Variants in SLC47A1 observed in about 807,000 individuals in gnomAD.
The protein encoded by SLC47A1 is solute carrier family 47 member 1.
SLC47A1 carries 58 observed loss-of-function variants against 65.8 expected under a neutral mutation model. That is an observed-to-expected ratio of 0.88 (90% CI 0.71 to 1.10). The LOEUF (loss-of-function observed/expected upper bound fraction) is 1.10, where lower values mean the gene tolerates loss of function less well. Ranked by LOEUF, SLC47A1 falls within the 50% of genes least tolerant of loss-of-function variation. The pLI is 0.00. For missense variants in SLC47A1, 706 were observed against 719.2 expected, an observed-to-expected ratio of 0.98 and a Z score of 0.21; for synonymous variants, 285 against 295.0, an observed-to-expected ratio of 0.97 and a Z score of 0.35.
rs374411316 is a variant in SLC47A1 at position 19,542,482 on chromosome 17, G to A, written c.225G>A (p.Thr75=). The change falls in exon 2 of 17, where the codon ACG becomes ACA. Residue 75 remains threonine (T), a synonymous_variant. Transcript: ENST00000270570. Reference sequence around the variant, plus strand: ...GCAAGCTGGAGCTGGATGCAGTCACGCTGGCAATCGCGGTACGTGTGGGCT... The same window carrying A: ...GCAAGCTGGAGCTGGATGCAGTCACACTGGCAATCGCGGTACGTGTGGGCT... ...HLGKLELDAV[T]LAIAVINVTG... 9.9e-6 allele frequency: 16 copies of A among 1,611,722 alleles called. No individual in the cohort carries two copies. The highest frequency in any genetic ancestry group is 1.3e-5 in the African/African-American group (1 of 74,790).
At chr17:19,561,130 C>T (rs569354206) in intron 12 of SLC47A1, among the ~76,000 whole-genome samples, 2 of 151,732 alleles carry the variant, frequency 1.3e-5, no homozygotes, top group South Asian at 2.1e-4. Context: ...TGGTGGCACA[C>T]GCCTGTAATC....
intron 15 of SLC47A1, among the ~76,000 whole-genome samples, chr17:19,571,913 C>T (rs771558888): frequency 2.0e-5 from 3 of 152,102 alleles, no homozygotes; most frequent in Non-Finnish European, 4.4e-5. Flanking sequence ...TTATGGTCTC[C>T]AAATGTTTTG....
chr17:19,567,060 A>T, intron 13 of SLC47A1, 36 bp from the exon 14 acceptor site: 1 of 1,613,984 alleles, frequency 6.2e-7, no homozygotes. Context: ...AGAGCGCCGG[A>T]TGTGTTCACA....
At chr17:19,565,598 T>C (rs1311109301) in intron 12 of SLC47A1, among the ~76,000 whole-genome samples, 1 of 123,544 alleles carries the variant, frequency 8.1e-6, no homozygotes, top group East Asian at 2.5e-4. Flanking sequence ...TTTTTTTTTT[T>C]GAGATGGACT....
intron 1 of SLC47A1, among the ~76,000 whole-genome samples, chr17:19,540,231 C>G (rs184002872): frequency 6.6e-6 from 1 of 152,028 alleles, no homozygotes; most frequent in East Asian, 1.9e-4. Flanking sequence ...ACTCCAAAGG[C>G]CGGGCAGTAG....
chr17:19,555,320 C>T lies in SLC47A1; in HGVS notation c.641+11C>T, dbSNP rs541092451. On this transcript the variant is annotated intron_variant, in intron 7 of 16. Coordinates refer to ENST00000270570, the MANE Select transcript of SLC47A1 (RefSeq NM_018242.3). ...GCATCTTGGGGTGATGTGAGTCCAACATACTCTTGGGACAGGGAGAAGGGA... is the reference window on the plus strand; with the variant it reads ...GCATCTTGGGGTGATGTGAGTCCAATATACTCTTGGGACAGGGAGAAGGGA... 1.2e-6 allele frequency: 2 copies of T among 1,613,562 alleles called. No homozygotes were observed. The highest frequency in any genetic ancestry group is 2.7e-5 in the African/African-American group (2 of 74,926).
intron 2 of SLC47A1, among the ~76,000 whole-genome samples, chr17:19,543,678 ACATGTCATCAAT>A (rs1916213048): frequency 6.6e-6 from 1 of 152,324 alleles, no homozygotes; most frequent in Admixed American, 6.5e-5. Flanking sequence ...AAAACCAGAG[ACATGTCATCAAT>A]CTCAGCCAGG....
intron 1 of SLC47A1, among the ~76,000 whole-genome samples, chr17:19,538,599 T>A (rs565789166): frequency 1.3e-5 from 2 of 152,370 alleles, no homozygotes; most frequent in South Asian, 4.1e-4. Flanking sequence ...AGTGCTGGGA[T>A]GTACTTTGTG....
At chr17:19,556,469 C>T (rs192405775) in intron 10 of SLC47A1, among the ~76,000 whole-genome samples, 106 of 152,192 alleles carry the variant, frequency 7.0e-4, no homozygotes, top group African/African-American at 2.2e-3. Context: ...TCACTATGCC[C>T]GCTCCTGCCT....
At position 19,555,697 on chromosome 17, in the gene SLC47A1, A is replaced by G; in HGVS notation, c.739+7A>G. On this transcript the variant is annotated splice_region_variant and intron_variant, in intron 8 of 16. Transcript: ENST00000270570. Reference sequence around the variant, plus strand: ...CATCAAGCTACATGGGGAGGTAATGACTGCCCTTTTGTCTTCCAACTGGGA... The same window carrying G: ...CATCAAGCTACATGGGGAGGTAATGGCTGCCCTTTTGTCTTCCAACTGGGA... 6.2e-7 allele frequency: 1 copy of G among 1,614,004 alleles called. No individual in the cohort carries two copies. The highest frequency in any genetic ancestry group is 8.5e-7 in the Non-Finnish European group (1 of 1,179,900).
intron 6 of SLC47A1, among the ~76,000 whole-genome samples, chr17:19,553,300 G>T (rs892482207): frequency 3.9e-5 from 6 of 152,152 alleles, no homozygotes. Flanking sequence ...AGACGCATGC[G>T]TGTTGCAGGC....
At chr17:19,549,394 T>G (rs1266072526) in intron 4 of SLC47A1, among the ~76,000 whole-genome samples, 1 of 152,022 alleles carries the variant, frequency 6.6e-6, no homozygotes. Context: ...AGACGGGGTT[T>G]TACTATGTTA....
chr17:19,542,344 C>G (rs1240145529), intron 1 of SLC47A1, 49 bp from the exon 2 acceptor site: 3 of 1,433,256 alleles, frequency 2.1e-6, no homozygotes, highest in Non-Finnish European at 2.8e-6. Flanking sequence ...CCCAGGCTTC[C>G]CTGCAATGGT....
In SLC47A1 at chr17:19,533,914, C is replaced by T; in HGVS notation, c.-26C>T. On this transcript the variant is annotated 5_prime_UTR_variant, in exon 1 of 17. Transcript: ENST00000270570. The stretch of plus-strand genomic sequence containing the variant: ...GCGGTACCCACTGCCGGCCTCCGCG[C>T]TACCCGGCCGCAGCGCGCGAGTCAC... The T allele has an allele frequency of 6.9e-7, 1 of 1,448,872 alleles. No homozygotes were observed. Among genetic ancestry groups the T allele is most frequent in the Non-Finnish European group, 9.1e-7 (1 of 1,100,148 alleles). The allele number at this position is 1,448,872 out of a possible 1,614,324, so 89.8% of individuals were successfully genotyped here.
chr17:19,550,575 C>G (rs538791438), intron 5 of SLC47A1, among the ~76,000 whole-genome samples: 2 of 152,082 alleles, frequency 1.3e-5, no homozygotes, highest in East Asian at 1.9e-4. Flanking sequence ...TTTGGCCTCC[C>G]GAAGTGTTGG....
intron 12 of SLC47A1, among the ~76,000 whole-genome samples, chr17:19,561,031 C>G (rs547443200): frequency 1.3e-5 from 2 of 150,884 alleles, no homozygotes; most frequent in Admixed American, 1.3e-4. Context: ...TCAAGGCTGG[C>G]AGATCACCTG....
In SLC47A1 at chr17:19,534,060, C is replaced by T; in HGVS notation, c.121C>T (p.Leu41=). The change falls in exon 1 of 17, where the codon CTG becomes TTG. Residue 41 remains leucine, a synonymous_variant. Coordinates refer to ENST00000270570, the MANE Select transcript of SLC47A1 (RefSeq NM_018242.3). ...AGAAGAGCTGCGGGCGCTCTTGGTC[C>T]TGGCTGGCCCCGCGGTGAGTAAGGT... ...FREELRALLV[L]AGPAFLVQLM... is the part of the protein sequence containing the mutation. 6.5e-7 allele frequency: 1 copy of T among 1,543,702 alleles called. No individual in the cohort carries two copies. Among genetic ancestry groups the T allele is most frequent in the Non-Finnish European group, 8.7e-7 (1 of 1,145,412 alleles).
rs1054987217 is a variant in SLC47A1 at position 19,571,698 on chromosome 17, A to G, written c.1404+126A>G. The stretch of plus-strand genomic sequence containing the variant: ...TCTTTATTCTTATCTCATGAATACT[A>G]TTGTTCTTGTTGTTTTAACTAGACA... On this transcript the variant is annotated intron_variant, in intron 15 of 16. Coordinates refer to ENST00000270570, the MANE Select transcript of SLC47A1 (RefSeq NM_018242.3). The G allele has an allele frequency of 8.2e-5, 56 of 685,642 alleles. 1 individual carries two copies. In the South Asian group the frequency reaches 9.8e-4, roughly 12 times the overall value. The allele number at this position is 685,642 out of a possible 1,614,324, so 42.5% of individuals were successfully genotyped here.
intron 7 of SLC47A1, 70 bp from the exon 8 acceptor site, chr17:19,555,523 C>A: frequency 6.7e-7 from 1 of 1,499,380 alleles, no homozygotes; most frequent in Admixed American, 1.7e-5. Context: ...ATGAGTCTCC[C>A]CTCCTCACTG....
Sources: gnomAD v4.1 joint callset for allele counts (sites outside exome capture counted in the v4.1 genomes callset) on GRCh38, gnomAD v4.1.1 for gene constraint, MANE v1.5 for transcripts, NCBI Gene and HGNC (gene_info 2026-07-23, HGNC 2026-07-21) for gene names.